The following MCU variants were observed in gnomAD, a reference collection of about 807,000 sequenced individuals.
The protein encoded by MCU is mitochondrial calcium uniporter, also known as calcium uniporter protein, mitochondrial.
MCU carries 12 observed loss-of-function variants against 45.2 expected under a neutral mutation model. The observed-to-expected ratio is 0.27, with a 90% CI of 0.17 to 0.43. The LOEUF is 0.43. Ranked by LOEUF, MCU falls within the 20% of genes least tolerant of loss-of-function variation. The probability of loss-of-function intolerance (pLI) is 1.00; values close to 1 mark genes in which losing one functional copy is unlikely to be tolerated. For synonymous variants in MCU, 160 were observed against 165.1 expected (o/e 0.97, Z 0.24); for missense variants, 324 against 436.7 (o/e 0.74, Z 2.30).
At chr10:72,857,736 A>C (rs1297209353) in intron 2 of MCU, among the ~76,000 whole-genome samples, 4 of 152,186 alleles carry the variant, frequency 2.6e-5, no homozygotes, top group Non-Finnish European at 5.9e-5. Flanking sequence ...AATGTATGTG[A>C]AAATTATTCC....
chr10:72,868,024 T>C (rs1441232460), intron 4 of MCU, among the ~76,000 whole-genome samples: 2 of 152,150 alleles, frequency 1.3e-5, no homozygotes, highest in Non-Finnish European at 2.9e-5. Context: ...TTAATAAGCA[T>C]AATAATCAAA....
At chr10:72,762,778 A>G (rs1843673056) in intron 1 of MCU, among the ~76,000 whole-genome samples, 1 of 152,062 alleles carries the variant, frequency 6.6e-6, no homozygotes, top group Admixed American at 6.6e-5. Context: ...ACAGATAGTG[A>G]TAGTATAATG....
intron 6 of MCU, 98 bp downstream of exon 6, chr10:72,871,678 A>G: frequency 7.0e-6 from 7 of 995,592 alleles, no homozygotes; most frequent in Non-Finnish European, 1.1e-5. Context: ...AGTTTTCTTT[A>G]AGTACTCATC....
chr10:72,860,014 C>T (rs1019690013), intron 3 of MCU: 3 of 163,022 alleles, frequency 1.8e-5, no homozygotes, highest in Non-Finnish European at 2.7e-5. Flanking sequence ...CTAACCCCAG[C>T]GTCTATCTCT....
intron 1 of MCU, among the ~76,000 whole-genome samples, chr10:72,754,880 C>T (rs1843552236): frequency 6.6e-6 from 1 of 152,196 alleles, no homozygotes; most frequent in African/African-American, 2.4e-5. Flanking sequence ...CCATACTGCC[C>T]AGTTTGCAGA....
At chr10:72,749,247 G>C (rs1045452479) in intron 1 of MCU, among the ~76,000 whole-genome samples, 3 of 151,970 alleles carry the variant, frequency 2.0e-5, no homozygotes, top group African/African-American at 7.3e-5. Context: ...ATCATGCCAC[G>C]GCACTTCATC....
rs1843787422 is a variant in MCU at position 72,770,409 on chromosome 10, AACTC to A, written c.151-63948_151-63945del. 4.6e-5 allele frequency among the ~76,000 whole-genome samples: 7 copies of A among 152,222 alleles called. 1 individual carries two copies. The South Asian group carries it at 1.4e-3, about 32-fold the overall frequency. On this transcript the variant is annotated intron_variant, in intron 1 of 7. Transcript: ENST00000373053. ...CCAAAATCCACTTCAGATTTGTACT[AACTC>A]AATTCATGTGAAATATCAAAAAGTT...
rs775683336 is a variant in MCU at position 72,868,695 on chromosome 10, TG to T, written c.497-7del. 1 of 1,609,376 alleles carries T rather than the reference TG, an allele frequency of 6.2e-7. No homozygotes were observed. Among genetic ancestry groups the T allele is most frequent in the African/African-American group, 1.3e-5 (1 of 74,638 alleles). On this transcript the variant is annotated splice_region_variant and splice_polypyrimidine_tract_variant and intron_variant, in intron 4 of 7. Coordinates refer to ENST00000373053, the MANE Select transcript of MCU (RefSeq NM_138357.3). ...TACATTTTTTAAAAAATGTAACTTTTGTTTCAGACCTCTTAAGTCATGAAAA... is the reference window on the plus strand; with the variant it reads ...TACATTTTTTAAAAAATGTAACTTTTTTTCAGACCTCTTAAGTCATGAAAA...
intron 1 of MCU, among the ~76,000 whole-genome samples, chr10:72,819,543 G>T (rs989723183): frequency 6.6e-6 from 1 of 152,104 alleles, no homozygotes; most frequent in Non-Finnish European, 1.5e-5. Context: ...AATATTCTAA[G>T]TATTTATCAC....
At chr10:72,706,918 C>G (rs1489729830) in intron 1 of MCU, among the ~76,000 whole-genome samples, 1 of 149,176 alleles carries the variant, frequency 6.7e-6, no homozygotes, top group African/African-American at 2.5e-5. Flanking sequence ...AAACCTCCAT[C>G]TCCTGGGTTC....
intron 1 of MCU, among the ~76,000 whole-genome samples, chr10:72,777,283 CCTGACA>C (rs1843909870): frequency 2.6e-5 from 4 of 152,124 alleles, no homozygotes. Flanking sequence ...GGAGACACTA[CCTGACA>C]TCAAAATTTA....
At chr10:72,767,686 G>T (rs1324271517) in intron 1 of MCU, among the ~76,000 whole-genome samples, 1 of 152,028 alleles carries the variant, frequency 6.6e-6, no homozygotes, top group African/African-American at 2.4e-5. Context: ...AGGTTCTGAT[G>T]AATTTATAAG....
intron 2 of MCU, among the ~76,000 whole-genome samples, chr10:72,856,812 G>A (rs1479745326): frequency 9.1e-4 from 2 of 2,196 alleles, no homozygotes; most frequent in South Asian, 0.016. Flanking sequence ...GCATGGTGGT[G>A]CACGCCTGTA....
At chr10:72,788,694 A>G (rs1844114106) in intron 1 of MCU, among the ~76,000 whole-genome samples, 1 of 152,204 alleles carries the variant, frequency 6.6e-6, no homozygotes. Flanking sequence ...CGTGCTTTCT[A>G]TTTGGAAATT....
chr10:72,755,700 G>T (rs1238270566), intron 1 of MCU, among the ~76,000 whole-genome samples: 3 of 152,122 alleles, frequency 2.0e-5, no homozygotes, highest in Non-Finnish European at 2.9e-5. Context: ...AATTTGAACG[G>T]CGGAAGCATA....
chr10:72,692,659 A>T lies in MCU; in HGVS notation c.150+358A>T, dbSNP rs537373464. 5.7e-5 allele frequency: 67 copies of T among 1,184,362 alleles called. No individual in the cohort carries two copies. The African/African-American group carries it at 9.7e-4, about 17-fold the overall frequency. The allele number at this position is 1,184,362 out of a possible 1,614,324, so 73.4% of individuals were successfully genotyped here. On this transcript the variant is annotated intron_variant, in intron 1 of 7. Coordinates refer to ENST00000373053, the MANE Select transcript of MCU (RefSeq NM_138357.3). Reference sequence around the variant, plus strand: ...CCCTGCCCCAAGGCTCCCTGAACGGAGCCAGATGGAAGTTGTCCCCTTTCC... The same window carrying T: ...CCCTGCCCCAAGGCTCCCTGAACGGTGCCAGATGGAAGTTGTCCCCTTTCC...
chr10:72,877,787 ACTTGTTAGC>A (rs1845638664), intron 6 of MCU, among the ~76,000 whole-genome samples: 1 of 152,214 alleles, frequency 6.6e-6, no homozygotes. Flanking sequence ...GCTGAGCCAC[ACTTGTTAGC>A]CTAGAGGAAC....
At chr10:72,779,773 A>C (rs951752299) in intron 1 of MCU, among the ~76,000 whole-genome samples, 1 of 152,218 alleles carries the variant, frequency 6.6e-6, no homozygotes, top group African/African-American at 2.4e-5. Context: ...TGCGACAGAA[A>C]ATAACAAGTG....
chr10:72,731,403 T>G (rs774141539), intron 1 of MCU, among the ~76,000 whole-genome samples: 1 of 152,210 alleles, frequency 6.6e-6, no homozygotes, highest in African/African-American at 2.4e-5. Flanking sequence ...GTCCTTAACT[T>G]CAGTGTCAAA....
Sources: allele counts gnomAD v4.1 joint callset (sites outside exome capture counted in the v4.1 genomes callset), GRCh38; gene constraint gnomAD v4.1.1; transcripts MANE v1.5; gene names NCBI Gene and HGNC (gene_info 2026-07-23, HGNC 2026-07-21).